The following PRKACA variants were observed in gnomAD, a reference collection of about 807,000 sequenced individuals.
PRKACA encodes the protein protein kinase cAMP-activated catalytic subunit alpha.
In PRKACA, 9 loss-of-function variants were observed where a neutral mutation model predicts 45.8. The observed-to-expected ratio is 0.20, with a 90% CI of 0.12 to 0.34. The LOEUF is 0.34. Among genes scored for constraint, PRKACA ranks in the 10% least tolerant of loss-of-function variants. The pLI is 1.00. For synonymous variants in PRKACA, 160 were observed against 178.6 expected (o/e 0.90, Z 0.83); for missense variants, 238 against 458.6 (o/e 0.52, Z 4.39).
At chr19:14,106,093 G>C (rs1476534885) in intron 3 of PRKACA, among the ~76,000 whole-genome samples, 1 of 152,100 alleles carries the variant, frequency 6.6e-6, no homozygotes, top group South Asian at 2.1e-4. Context: ...GCTCATGCCT[G>C]TAATCCCTGT....
chr19:14,112,955 G>A (rs1446950704), intron 1 of PRKACA, among the ~76,000 whole-genome samples: 1 of 152,194 alleles, frequency 6.6e-6, no homozygotes, highest in African/African-American at 2.4e-5. Flanking sequence ...CAGCTGGAGA[G>A]AAAGGCTTGG....
Position 14,104,753 on chromosome 19 carries a change from A to C in PRKACA, c.238-1839T>G, listed in dbSNP as rs546281145. On this transcript the variant is annotated intron_variant, in intron 3 of 9. Transcript: ENST00000308677. ...CTGGGCGTGGTAGCCGGCGCCTGTA[A>C]TTCCAGCTACTCAGGAGGCTGGAGC... 4.0e-5 allele frequency among the ~76,000 whole-genome samples: 6 copies of C among 151,690 alleles called. No individual in the cohort carries two copies. The South Asian group carries it at 1.3e-3, about 32-fold the overall frequency.
Position 14,092,558 on chromosome 19 carries a change from ATTTTAAATTGTTGTTT to A in PRKACA, c.*538_*553del, listed in dbSNP as rs1302329443. On this transcript the variant is annotated 3_prime_UTR_variant, in exon 10 of 10. Transcript: ENST00000308677. ...GAGGCACTGGTGGAACTTAAATAAG[ATTTTAAATTGTTGTTT>A]TTTTAAAAAAATTCTAGCAAGCAAC... The A allele has an allele frequency of 5.8e-5, 23 of 398,684 alleles. No homozygotes were observed. The highest frequency in any genetic ancestry group is 8.8e-5 in the Non-Finnish European group (20 of 226,042). 24.7% of individuals were successfully genotyped at this position (398,684 alleles called of 1,614,324 possible). A position where few individuals can be genotyped will look rare whatever the true frequency, so the allele number is the denominator to read the frequency against.
chr19:14,108,174 G>A (rs1251188765), intron 1 of PRKACA: 1 of 985,080 alleles, frequency 1.0e-6, no homozygotes, highest in Non-Finnish European at 1.2e-6. Flanking sequence ...TAAGGGCCAG[G>A]ACTTGGGGTC....
intron 5 of PRKACA, among the ~76,000 whole-genome samples, chr19:14,099,008 C>T (rs1263475822): frequency 2.0e-5 from 3 of 152,060 alleles, no homozygotes; most frequent in Non-Finnish European, 4.4e-5. Flanking sequence ...AACTACAAGG[C>T]CAGCGCGGTG....
chr19:14,099,064 G>C (rs1002149606), intron 5 of PRKACA, among the ~76,000 whole-genome samples: 9 of 151,992 alleles, frequency 5.9e-5, no homozygotes, highest in African/African-American at 1.2e-4. Flanking sequence ...AGGCGGGGGG[G>C]GCGGATCACC....
chr19:14,094,185 G>GAA (rs940405502), intron 8 of PRKACA, among the ~76,000 whole-genome samples: 2,078 of 58,952 alleles, frequency 0.035, 125 homozygotes, highest in Non-Finnish European at 0.047. Flanking sequence ...TTCTTTTTTT[G>GAA]AAAAAAAAAA....
rs368239098 is a variant in PRKACA at position 14,102,894 on chromosome 19, G to A, written c.258C>T (p.Ile86=). ...DKQKVVKLKQ[I]EHTLNEKRIL... ...TGCGCTTTTCATTCAGGGTGTGTTCGATCTGTTTCAGTTTCACCACCTGGG... is the reference window on the plus strand; with the variant it reads ...TGCGCTTTTCATTCAGGGTGTGTTCAATCTGTTTCAGTTTCACCACCTGGG... Residue 86 remains isoleucine, a synonymous_variant, in exon 4 of 10, where the codon ATC becomes ATT. Coordinates refer to ENST00000308677, the MANE Select transcript of PRKACA (RefSeq NM_002730.4). The A allele has an allele frequency of 2.2e-5, 35 of 1,613,940 alleles. No homozygotes were observed. Among genetic ancestry groups the A allele is most frequent in the African/African-American group, 1.5e-4 (11 of 74,916 alleles).
chr19:14,114,737 C>T (rs1427083494), intron 1 of PRKACA, among the ~76,000 whole-genome samples: 1 of 152,128 alleles, frequency 6.6e-6, no homozygotes, highest in Non-Finnish European at 1.5e-5. Flanking sequence ...TTTTTCTTGG[C>T]CCTCTCAGCT....
At chr19:14,107,756 C>T in intron 1 of PRKACA, 2 of 1,050,946 alleles carry the variant, frequency 1.9e-6, no homozygotes, top group Non-Finnish European at 2.3e-6. Context: ...TATTTATAGC[C>T]TTGGGATTTG....
intron 5 of PRKACA, chr19:14,098,440 C>T (rs1479905461): frequency 1.3e-5 from 2 of 157,198 alleles, no homozygotes; most frequent in African/African-American, 4.9e-5. Flanking sequence ...AAGACCTCAC[C>T]TCTGTATGTA....
chr19:14,101,223 CTG>C (rs1977432379), intron 4 of PRKACA: 1 of 290,490 alleles, frequency 3.4e-6, no homozygotes, highest in Non-Finnish European at 6.7e-6. Context: ...TCATGATAGG[CTG>C]CAGAATTAGT....
intron 3 of PRKACA, among the ~76,000 whole-genome samples, chr19:14,103,517 A>C (rs1015127077): frequency 6.6e-6 from 1 of 152,148 alleles, no homozygotes; most frequent in Non-Finnish European, 1.5e-5. Flanking sequence ...AGTTTGGAAG[A>C]CCAGACACAG....
intron 1 of PRKACA, among the ~76,000 whole-genome samples, chr19:14,109,825 C>A (rs922565303): frequency 5.0e-5 from 7 of 141,250 alleles, no homozygotes; most frequent in Non-Finnish European, 1.1e-4. Flanking sequence ...GTAATCCCAG[C>A]TATTTGGGAG....
intron 8 of PRKACA, among the ~76,000 whole-genome samples, chr19:14,094,207 AAAAAAT>A (rs1977180687): frequency 6.8e-6 from 1 of 148,018 alleles, no homozygotes; most frequent in African/African-American, 2.6e-5. Context: ...AAAAAAAAAA[AAAAAAT>A]AGCCTCACTC....
intron 8 of PRKACA, chr19:14,096,543 C>G (rs1350478789): frequency 6.5e-6 from 1 of 152,944 alleles, no homozygotes; most frequent in East Asian, 1.9e-4. Context: ...GAGGGTGCTC[C>G]CACCACAGTG....
At chr19:14,112,122 G>C (rs1966981744) in intron 1 of PRKACA, 1 of 152,508 alleles carries the variant, frequency 6.6e-6, no homozygotes, top group Non-Finnish European at 1.5e-5. Context: ...CTGTTAGCTT[G>C]TCAGATTTGG....
intron 5 of PRKACA, among the ~76,000 whole-genome samples, chr19:14,098,818 A>G (rs980013408): frequency 4.6e-5 from 7 of 151,080 alleles, no homozygotes; most frequent in African/African-American, 1.7e-4. Flanking sequence ...TTATTGGAAA[A>G]AAAAAAAAAA....
intron 1 of PRKACA, among the ~76,000 whole-genome samples, chr19:14,109,999 TACACAC>T (rs764855462): frequency 5.4e-5 from 3 of 55,466 alleles, no homozygotes; most frequent in African/African-American, 3.1e-4. Flanking sequence ...TATATATATA[TACACAC>T]ACACACACAC....
Sources: gnomAD v4.1 joint callset for allele counts (sites outside exome capture counted in the v4.1 genomes callset) on GRCh38, gnomAD v4.1.1 for gene constraint, MANE v1.5 for transcripts, NCBI Gene and HGNC (gene_info 2026-07-23, HGNC 2026-07-21) for gene names.